The following ARID1A variants were observed in gnomAD, a reference collection of about 807,000 sequenced individuals.
The protein encoded by ARID1A is AT-rich interaction domain 1A, also known as AT-rich interactive domain-containing protein 1A.
Under a neutral mutation model 212.6 loss-of-function variants are expected in ARID1A, and 20 were observed. The ratio of observed to expected loss-of-function variants is 0.09; its 90% CI spans 0.07 to 0.14. ARID1A has a LOEUF of 0.14. Ranked by LOEUF, ARID1A falls within the 10% of genes least tolerant of loss-of-function variation. The pLI, the probability that ARID1A is intolerant of heterozygous loss-of-function variation, is 1.00. For synonymous variants in ARID1A, 1,376 were observed against 1,222.1 expected (o/e 1.13, Z -2.63); for missense variants, 2,587 against 3,059.0 (o/e 0.85, Z 3.64).
Position 26,699,336 on chromosome 1 carries a change from A to C in ARID1A, c.1137+1796A>C, listed in dbSNP as rs554108788. Among the ~76,000 whole-genome samples, 3 of 152,230 alleles carry C rather than the reference A, an allele frequency of 2.0e-5. No individual in the cohort carries two copies. In the South Asian group the frequency reaches 6.2e-4, roughly 32 times the overall value. ...TGCTCTGTCAGCAGTGCTTTTGGTC[A>C]GGGATATTGAGTATTCTGTGGAGTC... On this transcript the variant is annotated intron_variant, in intron 1 of 19. Transcript: ENST00000324856.
At chr1:26,772,260 T>C in intron 12 of ARID1A, 1 of 543,952 alleles carries the variant, frequency 1.8e-6, no homozygotes, top group Non-Finnish European at 3.2e-6. Context: ...ACCAGCATGG[T>C]GATGTCATGG....
In ARID1A at chr1:26,779,284, C is replaced by G. The variant is rs761930167; in HGVS notation, c.5386C>G (p.Pro1796Ala). The change falls in exon 20 of 20, where the codon CCA (proline) becomes GCA (alanine). Residue 1796 changes from proline to alanine, a missense_variant. Pro to Ala is a conservative substitution (Grantham distance 27, BLOSUM62 -1). Transcript: ENST00000324856. ...GATAGCCTTTTCAGGCAAGGACAAG[C>G]CAGCTTCAGAGAATAGTGAGGAGAA... ...EEIAFSGKDK[P>A]ASENSEEKLI... is the part of the protein sequence containing the mutation. 1 of 1,614,222 alleles carries G rather than the reference C, an allele frequency of 6.2e-7. No individual in the cohort carries two copies. Among genetic ancestry groups the G allele is most frequent in the Non-Finnish European group, 8.5e-7 (1 of 1,180,044 alleles).
chr1:26,698,014 T>C (rs2080295044), intron 1 of ARID1A, among the ~76,000 whole-genome samples: 1 of 151,874 alleles, frequency 6.6e-6, no homozygotes, highest in East Asian at 1.9e-4. Flanking sequence ...CCCCTAGAGC[T>C]CGAGGGGACC....
intron 1 of ARID1A, among the ~76,000 whole-genome samples, chr1:26,714,116 C>T (rs539607036): frequency 1.3e-5 from 2 of 152,316 alleles, no homozygotes; most frequent in South Asian, 2.1e-4. Context: ...TCCATCCCAA[C>T]TTGGTTATAC....
At chr1:26,775,747 ATCT>A (rs759160256) in intron 19 of ARID1A, 40 bp downstream of exon 19, 8 of 1,613,682 alleles carry the variant, frequency 5.0e-6, no homozygotes, top group East Asian at 2.2e-5. Flanking sequence ...AGGGTTTGGG[ATCT>A]TCTTAGTGTA....
Position 26,779,653 on chromosome 1 carries a change from T to A in ARID1A, c.5755T>A (p.Ser1919Thr), listed in dbSNP as rs1270681768. 1 of 1,614,016 alleles carries A rather than the reference T, an allele frequency of 6.2e-7. No individual in the cohort carries two copies. The change falls in exon 20 of 20, where the codon TCT becomes ACT. Residue 1919 changes from serine to threonine, a missense_variant. Ser to Thr is a moderately conservative substitution (Grantham distance 58). Transcript: ENST00000324856. ...TATGGATGACATGTTGTCTACTCGGTCTAGCACCTTGACCGAGGATGGAGC... is the reference window on the plus strand; with the variant it reads ...TATGGATGACATGTTGTCTACTCGGACTAGCACCTTGACCGAGGATGGAGC... ...ATMDDMLSTRSSTLTEDGAKS... is the reference protein window; with the variant it reads ...ATMDDMLSTRTSTLTEDGAKS...
At chr1:26,704,107 T>C (rs767036583) in intron 1 of ARID1A, among the ~76,000 whole-genome samples, 2 of 152,182 alleles carry the variant, frequency 1.3e-5, no homozygotes, top group Admixed American at 1.3e-4. Flanking sequence ...TGCACATCCA[T>C]CTCCAGACCA....
chr1:26,724,343 T>A (rs939211002), intron 1 of ARID1A, among the ~76,000 whole-genome samples: 10 of 152,210 alleles, frequency 6.6e-5, no homozygotes, highest in African/African-American at 2.2e-4. Flanking sequence ...AGTACTAAAT[T>A]TAGCTCCTTA....
At chr1:26,760,095 C>T (rs890637975) in intron 4 of ARID1A, among the ~76,000 whole-genome samples, 1 of 152,186 alleles carries the variant, frequency 6.6e-6, no homozygotes, top group Non-Finnish European at 1.5e-5. Flanking sequence ...CTGGTGCCAT[C>T]CTGGCAGCAT....
intron 19 of ARID1A, 153 bp from the exon 20 acceptor site, chr1:26,778,870 A>C (rs1049668895): frequency 1.6e-5 from 11 of 693,424 alleles, no homozygotes; most frequent in Admixed American, 1.4e-4. Flanking sequence ...AGAGATTAAG[A>C]TGAACAATTT....
At chr1:26,756,826 C>T (rs2080942869) in intron 4 of ARID1A, among the ~76,000 whole-genome samples, 1 of 151,746 alleles carries the variant, frequency 6.6e-6, no homozygotes, top group Non-Finnish European at 1.5e-5. Flanking sequence ...CCTCAGCCTC[C>T]CGAGTAGCTG....
intron 4 of ARID1A, among the ~76,000 whole-genome samples, chr1:26,752,593 T>G (rs2080894504): frequency 6.6e-6 from 1 of 152,214 alleles, no homozygotes; most frequent in Non-Finnish European, 1.5e-5. Context: ...TTTTCTTCCT[T>G]AGAGTTTAAG....
intron 4 of ARID1A, among the ~76,000 whole-genome samples, chr1:26,752,567 T>C (rs2080894322): frequency 1.3e-5 from 2 of 152,218 alleles, no homozygotes; most frequent in African/African-American, 4.8e-5. Context: ...CCTTAAGTAA[T>C]TAATTTTGTC....
chr1:26,736,646 A>AT lies in ARID1A; in HGVS notation c.1920+3854_1920+3855insT, dbSNP rs1198222046. 5.6e-5 allele frequency among the ~76,000 whole-genome samples: 8 copies of AT among 143,028 alleles called. No homozygotes were observed. The East Asian group carries it at 6.1e-4, about 11-fold the overall frequency. The allele number at this position is 143,028 out of a possible 152,430, so 93.8% of individuals were successfully genotyped here. A position where few individuals can be genotyped will look rare whatever the true frequency, so the allele number is the denominator to read the frequency against. ...TCTGTCTCAAAAAAAAAAAAAAAAA[A>AT]GGGCACAGTGGCTCAGGAGGCCGAG... On this transcript the variant is annotated intron_variant, in intron 4 of 19. Transcript: ENST00000324856.
At chr1:26,750,882 A>G (rs2080878157) in intron 4 of ARID1A, among the ~76,000 whole-genome samples, 3 of 152,044 alleles carry the variant, frequency 2.0e-5, no homozygotes, top group Admixed American at 2.0e-4. Context: ...TTTAGCATAG[A>G]AAAATTAGGT....
chr1:26,766,422 C>T (rs2124081001), intron 9 of ARID1A, 35 bp from the exon 10 acceptor site: 2 of 1,613,886 alleles, frequency 1.2e-6, no homozygotes, highest in Non-Finnish European at 1.7e-6. Context: ...CACAGCTAAA[C>T]TTACTGGACT....
intron 1 of ARID1A, among the ~76,000 whole-genome samples, chr1:26,713,938 G>A (rs1397653171): frequency 6.6e-6 from 1 of 152,192 alleles, no homozygotes; most frequent in Non-Finnish European, 1.5e-5. Flanking sequence ...AAAACCTCAA[G>A]TGACCAATAT....
At chr1:26,772,135 G>A (rs933226949) in intron 12 of ARID1A, 1 of 214,332 alleles carries the variant, frequency 4.7e-6, no homozygotes, top group African/African-American at 2.3e-5. Flanking sequence ...CCCAGGACTT[G>A]GGAGGCTCTG....
intron 1 of ARID1A, among the ~76,000 whole-genome samples, chr1:26,711,530 G>T (rs964421115): frequency 6.6e-6 from 1 of 152,104 alleles, no homozygotes; most frequent in Non-Finnish European, 1.5e-5. Context: ...ATACCGTAAC[G>T]TTGGAGGTTA....
Sources: gnomAD v4.1 joint callset for allele counts (sites outside exome capture counted in the v4.1 genomes callset) on GRCh38, gnomAD v4.1.1 for gene constraint, MANE v1.5 for transcripts, NCBI Gene and HGNC (gene_info 2026-07-23, HGNC 2026-07-21) for gene names.